GAS7: variants seen among roughly 807,000 people sequenced by gnomAD.
GAS7 encodes growth arrest specific 7, also known as growth arrest-specific protein 7.
A neutral mutation model predicts 71.1 loss-of-function variants in GAS7; 28 were observed. The observed-to-expected ratio is 0.39, with a 90% CI of 0.29 to 0.54. The LOEUF (loss-of-function observed/expected upper bound fraction) is 0.54. Ranked by LOEUF, GAS7 falls within the 20% of genes least tolerant of loss-of-function variation. The pLI is 0.62. For missense variants in GAS7, 436 were observed against 627.8 expected, an observed-to-expected ratio of 0.69 and a Z score of 3.27; for synonymous variants, 258 against 245.8, an observed-to-expected ratio of 1.05 and a Z score of -0.46.
chr17:9,957,967 C>T (rs1201404060), intron 5 of GAS7, among the ~76,000 whole-genome samples: 1 of 152,280 alleles, frequency 6.6e-6, no homozygotes, highest in African/African-American at 2.4e-5. Flanking sequence ...CGGCTCTGTG[C>T]CTCAGTTTCC....
chr17:10,000,995 G>A (rs1175308118), intron 2 of GAS7, among the ~76,000 whole-genome samples: 1 of 149,496 alleles, frequency 6.7e-6, no homozygotes, highest in Admixed American at 6.6e-5. Flanking sequence ...ATTGTTGGAT[G>A]CTCCTTGTAT....
rs568565975 is a variant in GAS7 at position 10,092,009 on chromosome 17, AC to A, written c.184-72113del. Among the ~76,000 whole-genome samples, 288 of 151,550 alleles carry A rather than the reference AC, an allele frequency of 1.9e-3. 1 individual carries two copies. Among genetic ancestry groups the A allele is most frequent in the African/African-American group, 6.7e-3 (278 of 41,350 alleles). On this transcript the variant is annotated intron_variant, in intron 1 of 13. Transcript: ENST00000432992. ...GCCCTGACTAAAACATCTTCAGTGGACACCCACCTTCCTCAAAGTAAAATCC... is the reference window on the plus strand; with the variant it reads ...GCCCTGACTAAAACATCTTCAGTGGAACCCACCTTCCTCAAAGTAAAATCC...
intron 2 of GAS7, among the ~76,000 whole-genome samples, chr17:10,008,392 ACT>A (rs2071623602): frequency 6.6e-6 from 1 of 152,236 alleles, no homozygotes; most frequent in Admixed American, 6.5e-5. Context: ...ACGCTCTCAC[ACT>A]GTTTACCAGT....
intron 3 of GAS7, among the ~76,000 whole-genome samples, chr17:9,975,826 C>T (rs890726197): frequency 5.3e-5 from 8 of 152,196 alleles, no homozygotes; most frequent in African/African-American, 9.7e-5. Flanking sequence ...CGCACACAGA[C>T]GCAGAACCCG....
intron 1 of GAS7, among the ~76,000 whole-genome samples, chr17:10,070,697 G>A (rs2073331753): frequency 6.6e-6 from 1 of 151,888 alleles, no homozygotes; most frequent in Non-Finnish European, 1.5e-5. Flanking sequence ...CATGGGTTCT[G>A]CTCAGCTTAC....
intron 1 of GAS7, among the ~76,000 whole-genome samples, chr17:10,078,753 T>C (rs1035542668): frequency 6.6e-6 from 1 of 152,128 alleles, no homozygotes; most frequent in Non-Finnish European, 1.5e-5. Flanking sequence ...TATAAACATA[T>C]CATTTAGAAA....
chr17:9,984,083 G>A (rs1008454145), intron 2 of GAS7, among the ~76,000 whole-genome samples: 7 of 152,176 alleles, frequency 4.6e-5, no homozygotes, highest in African/African-American at 1.4e-4. Context: ...CATTTTTAAA[G>A]TTAGTCTGAT....
At chr17:10,064,473 G>A (rs757365072) in intron 1 of GAS7, among the ~76,000 whole-genome samples, 6 of 152,216 alleles carry the variant, frequency 3.9e-5, no homozygotes, top group Admixed American at 2.0e-4. Context: ...GTTTCCGGGA[G>A]CAAGTGGCTC....
Position 10,103,553 on chromosome 17 carries a change from C to T in GAS7, c.184-83656G>A, listed in dbSNP as rs889425502. On this transcript the variant is annotated intron_variant, in intron 1 of 13. Transcript: ENST00000432992. The surrounding 1 kb of genome is among the most constrained non-coding windows in gnomAD (Gnocchi z 5.5). The stretch of plus-strand genomic sequence containing the variant: ...AAGATAGGAACAACCCGGCCAGGCG[C>T]GATGGCTCCCACCTGTAATCCCAGC... Among the ~76,000 whole-genome samples the T allele has an allele frequency of 4.0e-5, 6 of 150,590 alleles. No homozygotes were observed. Among genetic ancestry groups the T allele is most frequent in the African/African-American group, 9.7e-5 (4 of 41,104 alleles).
At chr17:9,965,733 A>ATTTCGG (rs2069679885) in intron 4 of GAS7, among the ~76,000 whole-genome samples, 1 of 152,246 alleles carries the variant, frequency 6.6e-6, no homozygotes, top group Non-Finnish European at 1.5e-5. Context: ...CCCCCGAATC[A>ATTTCGG]GGTGGGCTGC....
At chr17:10,099,117 G>C (rs1432841575) in intron 1 of GAS7, among the ~76,000 whole-genome samples, 2 of 152,136 alleles carry the variant, frequency 1.3e-5, no homozygotes, top group African/African-American at 4.8e-5. Context: ...TGTGAAATAG[G>C]CCTGCTGGAT....
chr17:9,941,791 G>A (rs929449258), intron 7 of GAS7, among the ~76,000 whole-genome samples: 5 of 152,046 alleles, frequency 3.3e-5, no homozygotes, highest in Non-Finnish European at 5.9e-5. Context: ...CCAGTTTAAT[G>A]GGTCATAAAA....
intron 2 of GAS7, among the ~76,000 whole-genome samples, chr17:9,988,556 C>G (rs1022043127): frequency 6.6e-6 from 1 of 152,150 alleles, no homozygotes; most frequent in African/African-American, 2.4e-5. Context: ...TGCTACAAGA[C>G]ATTTGAAATT....
At chr17:10,126,474 GCA>G (rs976400905) in intron 1 of GAS7, among the ~76,000 whole-genome samples, 7 of 147,320 alleles carry the variant, frequency 4.8e-5, no homozygotes, top group Non-Finnish European at 9.0e-5. Context: ...ATGCACACAC[GCA>G]CACTCACACC....
chr17:9,917,391 AG>A, intron 13 of GAS7, 50 bp from the exon 14 acceptor site: 1 of 1,274,690 alleles, frequency 7.8e-7, no homozygotes, highest in Non-Finnish European at 1.1e-6. Context: ...CGGCCAAGCC[AG>A]GGAGGTCTCC....
chr17:10,056,659 C>G (rs748406292), intron 1 of GAS7, among the ~76,000 whole-genome samples: 1 of 152,124 alleles, frequency 6.6e-6, no homozygotes, highest in East Asian at 1.9e-4. Flanking sequence ...ATCACGAGGT[C>G]AGGAGATCGA....
intron 6 of GAS7, among the ~76,000 whole-genome samples, chr17:9,945,237 C>T (rs533270795): frequency 6.6e-6 from 1 of 152,226 alleles, no homozygotes; most frequent in African/African-American, 2.4e-5. Flanking sequence ...CTCTCTGCCG[C>T]CACCACCATC....
At chr17:10,008,445 AAAC>A (rs1228035971) in intron 2 of GAS7, among the ~76,000 whole-genome samples, 8 of 152,262 alleles carry the variant, frequency 5.3e-5, no homozygotes, top group Admixed American at 3.9e-4. Flanking sequence ...AGAATAGAGC[AAAC>A]AACAAAATCT....
In GAS7 at chr17:9,910,897, T is replaced by G. The variant is rs1369902597; in HGVS notation, c.*6331A>C. The G allele has an allele frequency of 4.4e-6, 1 of 229,508 alleles. No homozygotes were observed. The highest frequency in any genetic ancestry group is 1.8e-4 in the South Asian group (1 of 5,452). 14.2% of individuals were successfully genotyped at this position (229,508 alleles called of 1,614,324 possible). A position where few individuals can be genotyped will look rare whatever the true frequency, so the allele number is the denominator to read the frequency against. ...AACACATTCATACCGGGGTGAGGAG[T>G]GCTGGCGGGAGACACGGCTCTTTAA... On this transcript the variant is annotated 3_prime_UTR_variant, in exon 14 of 14. Coordinates refer to ENST00000432992, the MANE Select transcript of GAS7 (RefSeq NM_201433.2).
Sources: gnomAD v4.1 joint callset for allele counts (sites outside exome capture counted in the v4.1 genomes callset) on GRCh38, gnomAD v4.1.1 for gene constraint, Gnocchi (gnomAD v3.1) non-coding constraint, MANE v1.5 for transcripts, NCBI Gene and HGNC (gene_info 2026-07-23, HGNC 2026-07-21) for gene names.